The following DIS3L2 variants were observed in gnomAD, a reference collection of about 807,000 sequenced individuals.
The protein encoded by DIS3L2 is DIS3 like 3'-5' exoribonuclease 2.
In DIS3L2, 34 loss-of-function variants were observed where a neutral mutation model predicts 97.5. The observed-to-expected ratio is 0.35, with a 90% CI of 0.27 to 0.46. The LOEUF is 0.46. Ranked by LOEUF, DIS3L2 falls within the 20% of genes least tolerant of loss-of-function variation. The pLI, the probability that DIS3L2 is intolerant of heterozygous loss-of-function variation, is 1.00. For missense variants in DIS3L2, 1,038 were observed against 1,146.0 expected (o/e 0.91, Z 1.36); for synonymous variants, 435 against 445.2 (o/e 0.98, Z 0.29).
chr2:232,293,972 G>A lies in DIS3L2; in HGVS notation c.1660-6068G>A, dbSNP rs984127663. Among the ~76,000 whole-genome samples the A allele has an allele frequency of 6.6e-5, 10 of 152,318 alleles. No homozygotes were observed. The highest frequency in any genetic ancestry group is 6.2e-4 in the South Asian group (3 of 4,828). On this transcript the variant is annotated intron_variant, in intron 13 of 20. Coordinates refer to ENST00000325385, the MANE Select transcript of DIS3L2 (RefSeq NM_152383.5). This position sits in a 1 kb window ranked among gnomAD's most constrained non-coding sequence, Gnocchi z 4.6. ...ATTACACAAGGGCAGTAGAGGGCCC[G>A]GAGGTGGCAGGGACCAGGCCTGCCT...
chr2:232,182,804 C>G (rs1691329418), intron 9 of DIS3L2, among the ~76,000 whole-genome samples: 1 of 152,178 alleles, frequency 6.6e-6, no homozygotes, highest in Non-Finnish European at 1.5e-5. Flanking sequence ...CACACACATA[C>G]AATTAAATAC....
chr2:232,131,842 G>A (rs986981204), intron 7 of DIS3L2: 2 of 151,412 alleles, frequency 1.3e-5, no homozygotes, highest in African/African-American at 4.9e-5. Context: ...GCTAAGTGTG[G>A]GAGATTAGAA....
intron 1 of DIS3L2, among the ~76,000 whole-genome samples, chr2:231,967,840 C>G (rs1692767334): frequency 6.6e-6 from 1 of 151,874 alleles, no homozygotes; most frequent in African/African-American, 2.4e-5. Flanking sequence ...AATTAGGGCC[C>G]AATTTGTGTT....
At chr2:232,314,221 G>A (rs899566480) in intron 14 of DIS3L2, among the ~76,000 whole-genome samples, 12 of 152,332 alleles carry the variant, frequency 7.9e-5, no homozygotes, top group East Asian at 7.7e-4. Flanking sequence ...TCATTCTGTC[G>A]CCTGTTGTCT....
chr2:232,282,293 A>G (rs1694312621), intron 13 of DIS3L2, among the ~76,000 whole-genome samples: 1 of 152,210 alleles, frequency 6.6e-6, no homozygotes, highest in African/African-American at 2.4e-5. Context: ...GTCCAAGGGA[A>G]CAGGAGACCC....
intron 5 of DIS3L2, among the ~76,000 whole-genome samples, chr2:232,081,189 G>A (rs905218569): frequency 6.6e-6 from 1 of 152,144 alleles, no homozygotes; most frequent in African/African-American, 2.4e-5. Flanking sequence ...GTGGTGATGT[G>A]TACTTCCTGA....
At chr2:232,329,785 T>TCCCCGGGCCCCC (rs1318587735) in intron 14 of DIS3L2, 28 bp from the exon 15 acceptor site, 10 of 967,140 alleles carry the variant, frequency 1.0e-5, no homozygotes, top group African/African-American at 1.7e-5. Flanking sequence ...ACCCCAGCGG[T>TCCCCGGGCCCCC]CCCTCCCATC....
chr2:232,329,718 G>C (rs1695676018), intron 14 of DIS3L2, 95 bp from the exon 15 acceptor site: 2 of 1,264,818 alleles, frequency 1.6e-6, no homozygotes, highest in Non-Finnish European at 1.1e-6. Flanking sequence ...CCTGAAGGGT[G>C]ATTGATAGAG....
intron 5 of DIS3L2, among the ~76,000 whole-genome samples, chr2:232,070,365 G>A (rs1020426965): frequency 1.8e-4 from 28 of 152,028 alleles, no homozygotes; most frequent in Admixed American, 1.7e-3. Flanking sequence ...TTTTTTTCCT[G>A]TTTCTGAGCT....
At chr2:231,973,424 A>G (rs1022935033) in intron 1 of DIS3L2, among the ~76,000 whole-genome samples, 3 of 152,256 alleles carry the variant, frequency 2.0e-5, no homozygotes, top group Admixed American at 6.5e-5. Flanking sequence ...CAAATTTCAT[A>G]GTTTAATATT....
Position 232,342,496 on chromosome 2 carries a change from A to T in DIS3L2, c.1582-849A>T, listed in dbSNP as rs538269866. On this transcript the variant is annotated intron_variant, in intron 13 of 13. Coordinates refer to the DIS3L2 transcript ENST00000273009. ...GTTTGATACTTTAAACTACATTCAC[A>T]TATAACTTGGACAAAAGTAAAAACT... Among the ~76,000 whole-genome samples the T allele has an allele frequency of 7.9e-5, 12 of 152,348 alleles. No individual in the cohort carries two copies. In the South Asian group the frequency reaches 2.5e-3, roughly 32 times the overall value.
At chr2:231,967,654 GA>G (rs1280932496) in intron 1 of DIS3L2, among the ~76,000 whole-genome samples, 1 of 151,956 alleles carries the variant, frequency 6.6e-6, no homozygotes, top group Non-Finnish European at 1.5e-5. Flanking sequence ...TTTTGTAAAT[GA>G]AAAAAAGAAT....
intron 5 of DIS3L2, among the ~76,000 whole-genome samples, chr2:232,039,911 A>T (rs1246815535): frequency 6.6e-6 from 1 of 152,218 alleles, no homozygotes; most frequent in Non-Finnish European, 1.5e-5. Context: ...GGAGCAGTTC[A>T]AGGTACCCAG....
intron 1 of DIS3L2, among the ~76,000 whole-genome samples, chr2:231,962,595 C>T (rs532841934): frequency 7.9e-5 from 12 of 152,146 alleles, no homozygotes; most frequent in African/African-American, 1.7e-4. Flanking sequence ...CCACCCCGCC[C>T]GGCTAATTTT....
chr2:232,266,309 A>G (rs531275826), intron 13 of DIS3L2, among the ~76,000 whole-genome samples: 8 of 152,336 alleles, frequency 5.3e-5, no homozygotes, highest in African/African-American at 1.9e-4. Context: ...GGCCTTCTCA[A>G]TTTATCAGTT....
intron 13 of DIS3L2, among the ~76,000 whole-genome samples, chr2:232,294,142 C>T (rs1694667500): frequency 6.6e-6 from 1 of 152,196 alleles, no homozygotes; most frequent in Non-Finnish European, 1.5e-5. Context: ...CCCCTCGTAC[C>T]TCATTGGCCT....
At chr2:231,977,575 G>A (rs2106173405) in intron 1 of DIS3L2, among the ~76,000 whole-genome samples, 1 of 152,232 alleles carries the variant, frequency 6.6e-6, no homozygotes, top group South Asian at 2.1e-4. Context: ...TTATAGTATT[G>A]TGGGCAGAGC....
chr2:232,030,434 G>A (rs1694774891), intron 5 of DIS3L2, among the ~76,000 whole-genome samples: 1 of 152,162 alleles, frequency 6.6e-6, no homozygotes, highest in African/African-American at 2.4e-5. Flanking sequence ...CAAAGCCATG[G>A]AGACAGTGGC....
At chr2:232,088,561 C>CAA (rs748097006) in intron 6 of DIS3L2, among the ~76,000 whole-genome samples, 72 of 122,716 alleles carry the variant, frequency 5.9e-4, no homozygotes, top group African/African-American at 1.8e-3. Context: ...GACTCCGTCT[C>CAA]AAAAAAAAAA....
Sources: gnomAD v4.1 joint callset for allele counts (sites outside exome capture counted in the v4.1 genomes callset) on GRCh38, gnomAD v4.1.1 for gene constraint, Gnocchi (gnomAD v3.1) non-coding constraint, MANE v1.5 for transcripts, NCBI Gene and HGNC (gene_info 2026-07-23, HGNC 2026-07-21) for gene names.